TMPO: variants seen among roughly 807,000 people sequenced by gnomAD.
The protein encoded by TMPO is thymopoietin, also known as LEM domain containing 4.
In TMPO, 22 loss-of-function variants were observed where a neutral mutation model predicts 45.4. That is an observed-to-expected ratio of 0.48 (90% CI 0.35 to 0.69). The LOEUF (loss-of-function observed/expected upper bound fraction) is 0.69. Ranked by LOEUF, TMPO falls within the 30% of genes least tolerant of loss-of-function variation. TMPO has a pLI of 0.01. For missense variants in TMPO, 512 were observed against 548.8 expected (o/e 0.93, Z 0.67); for synonymous variants, 241 against 204.1 (o/e 1.18, Z -1.54).
In TMPO at chr12:98,516,027, C is replaced by T. The variant is rs376363219; in HGVS notation, c.160C>T (p.Pro54Ser). The T allele has an allele frequency of 6.2e-7, 1 of 1,611,326 alleles. No homozygotes were observed. The highest frequency in any genetic ancestry group is 1.3e-5 in the African/African-American group (1 of 74,934). ...HLTARNRPPL[P>S]AGTNSKGPPD... ...CACGGCTCGCAACCGGCCGCCGCTC[C>T]CCGCCGGCACCAACAGCAAGGGGCC... The change falls in exon 1 of 9, where the codon CCC becomes TCC. Residue 54 changes from proline to serine, a missense_variant. Coordinates refer to ENST00000556029, the MANE Select transcript of TMPO (RefSeq NM_001032283.3).
Position 98,545,078 on chromosome 12 carries a change from T to G in TMPO, c.990+17T>G. On this transcript the variant is annotated intron_variant, in intron 7 of 8. Coordinates refer to ENST00000556029, the MANE Select transcript of TMPO (RefSeq NM_001032283.3). ...AGAGCTGAAGTAAATGAATACAATT[T>G]AGATCGATGCTATCATTGATCTTTC... 1 of 1,522,522 alleles carries G rather than the reference T, an allele frequency of 6.6e-7. No individual in the cohort carries two copies. The highest frequency in any genetic ancestry group is 9.1e-7 in the Non-Finnish European group (1 of 1,098,022). The allele number at this position is 1,522,522 out of a possible 1,614,324, so 94.3% of individuals were successfully genotyped here.
intron 1 of TMPO, among the ~76,000 whole-genome samples, chr12:98,522,649 ATTT>A (rs1876459429): frequency 6.6e-6 from 1 of 152,192 alleles, no homozygotes; most frequent in Non-Finnish European, 1.5e-5. Context: ...TGATTTCTGA[ATTT>A]TTGTCTTTAA....
chr12:98,532,013 G>A lies in TMPO; in HGVS notation c.565+175G>A. The A allele has an allele frequency of 1.5e-5, 9 of 596,040 alleles. No individual in the cohort carries two copies. In the South Asian group the frequency reaches 2.0e-4, roughly 13 times the overall value. The allele number at this position is 596,040 out of a possible 1,614,324, so 36.9% of individuals were successfully genotyped here. Reference sequence around the variant, plus strand: ...TACTTTTTATTGAAAATTCTAAGAAGCAACATAGTACAAATTCATAATTTT... The same window carrying A: ...TACTTTTTATTGAAAATTCTAAGAAACAACATAGTACAAATTCATAATTTT... On this transcript the variant is annotated intron_variant, in intron 3 of 8. Coordinates refer to ENST00000556029, the MANE Select transcript of TMPO (RefSeq NM_001032283.3).
intron 4 of TMPO, among the ~76,000 whole-genome samples, chr12:98,543,928 A>ATATT (rs749841569): frequency 5.3e-5 from 8 of 152,350 alleles, no homozygotes; most frequent in Non-Finnish European, 7.4e-5. Context: ...AGAGCCAAAT[A>ATATT]GCACACAGTG....
At chr12:98,545,831 C>T (rs1878198106) in intron 7 of TMPO, among the ~76,000 whole-genome samples, 1 of 152,006 alleles carries the variant, frequency 6.6e-6, no homozygotes, top group Non-Finnish European at 1.5e-5. Flanking sequence ...CTCCTGGGTT[C>T]AAGCGATTCT....
At chr12:98,533,244 T>C (rs748775293) in intron 3 of TMPO, 2 of 1,613,938 alleles carry the variant, frequency 1.2e-6, no homozygotes, top group Admixed American at 3.3e-5. Context: ...TAGAAAATAT[T>C]TGCGGTAGAG....
In TMPO at chr12:98,548,617, A is replaced by G. The variant is rs1380789213; in HGVS notation, c.*759A>G. 2.0e-5 allele frequency: 3 copies of G among 152,202 alleles called. No individual in the cohort carries two copies. The highest frequency in any genetic ancestry group is 7.2e-5 in the African/African-American group (3 of 41,460). The allele number at this position is 152,202 out of a possible 1,614,324, so 9.4% of individuals were successfully genotyped here. A position where few individuals can be genotyped will look rare whatever the true frequency, so the allele number is the denominator to read the frequency against. ...TATAAGGCTATAATTGGAAATTTGT[A>G]TTTTTTATTTACAGCAAAACATTTA... On this transcript the variant is annotated 3_prime_UTR_variant, in exon 9 of 9. Coordinates refer to ENST00000556029, the MANE Select transcript of TMPO (RefSeq NM_001032283.3).
Position 98,533,878 on chromosome 12 carries a change from C to G in TMPO, c.565+2040C>G, listed in dbSNP as rs758516834. 8 of 1,613,966 alleles carry G rather than the reference C, an allele frequency of 5.0e-6. No individual in the cohort carries two copies. In the South Asian group the frequency reaches 8.8e-5, roughly 18 times the overall value. On this transcript the variant is annotated intron_variant, in intron 3 of 8. Transcript: ENST00000556029. ...AGTTCCAAAAGTAGATGATGAAATCCTAGGGTTTATTTCTGAAGCCACTCC... is the reference window on the plus strand; with the variant it reads ...AGTTCCAAAAGTAGATGATGAAATCGTAGGGTTTATTTCTGAAGCCACTCC...
rs572977980 is a variant in TMPO, at chr12:98,527,845, C to G, written c.280-41C>G. Reference sequence around the variant, plus strand: ...CAGGTTATTATCTAGTAAGTGAACACTTTAATTCATATGGAAATGATTACT... The same window carrying G: ...CAGGTTATTATCTAGTAAGTGAACAGTTTAATTCATATGGAAATGATTACT... On this transcript the variant is annotated intron_variant, in intron 1 of 8. Coordinates refer to ENST00000556029, the MANE Select transcript of TMPO (RefSeq NM_001032283.3). The G allele has an allele frequency of 3.5e-5, 57 of 1,610,570 alleles. No individual in the cohort carries two copies. The South Asian group carries it at 3.9e-4, about 11-fold the overall frequency.
At chr12:98,535,560 G>T (rs1877516710) in intron 3 of TMPO, 1 of 985,158 alleles carries the variant, frequency 1.0e-6, no homozygotes, top group African/African-American at 1.7e-5. Flanking sequence ...CCTACTGAGT[G>T]CTATGTGATT....
Position 98,527,916 on chromosome 12 carries a change from CAAG to C in TMPO, c.315_317del (p.Glu105del). 1 of 1,613,780 alleles carries C rather than the reference CAAG, an allele frequency of 6.2e-7. No individual in the cohort carries two copies. Among genetic ancestry groups the C allele is most frequent in the South Asian group, 1.1e-5 (1 of 91,074 alleles). On this transcript the variant is annotated inframe_deletion, in exon 2 of 9. Transcript: ENST00000556029. ...CACAAAAAAAACTGATAAACCCAGA[CAAG>C]AAGATAAAGATGATCTAGATGTAAC... is the stretch of plus-strand genomic sequence containing the variant.
intron 1 of TMPO, among the ~76,000 whole-genome samples, chr12:98,527,062 G>T (rs1442249647): frequency 6.6e-6 from 1 of 151,998 alleles, no homozygotes; most frequent in Non-Finnish European, 1.5e-5. Context: ...AATTTTTAAG[G>T]ATTATCAAAA....
chr12:98,533,934 G>A, intron 3 of TMPO: 2 of 1,614,052 alleles, frequency 1.2e-6, no homozygotes, highest in Non-Finnish European at 1.7e-6. Context: ...CCTCCACTGA[G>A]TCTTGCAATC....
intron 4 of TMPO, among the ~76,000 whole-genome samples, chr12:98,540,740 C>T (rs1877868072): frequency 6.6e-6 from 1 of 152,060 alleles, no homozygotes; most frequent in Non-Finnish European, 1.5e-5. Flanking sequence ...TAGTGGCCTA[C>T]CATATTGGAC....
chr12:98,542,203 G>A (rs1357481170), intron 4 of TMPO, among the ~76,000 whole-genome samples: 2 of 152,216 alleles, frequency 1.3e-5, no homozygotes, highest in Non-Finnish European at 2.9e-5. Flanking sequence ...CTCTGCATAT[G>A]AGTTGAAGCA....
At chr12:98,527,226 A>G (rs1180073725) in intron 1 of TMPO, among the ~76,000 whole-genome samples, 1 of 150,708 alleles carries the variant, frequency 6.6e-6, no homozygotes, top group Non-Finnish European at 1.5e-5. Flanking sequence ...GGCTGTGTGC[A>G]GTGGTTTACA....
rs1022608557 is a variant in TMPO at position 98,544,437 on chromosome 12, A to G, written c.784-5A>G. On this transcript the variant is annotated splice_region_variant and splice_polypyrimidine_tract_variant and intron_variant, in intron 5 of 8. Coordinates refer to ENST00000556029, the MANE Select transcript of TMPO (RefSeq NM_001032283.3). ...ATTGTTTTTGTTTTGTTTTCAAACT[A>G]ACAGGTGGAAACTTCAGAACATTTT... 6.2e-7 allele frequency: 1 copy of G among 1,613,428 alleles called. No individual in the cohort carries two copies. The highest frequency in any genetic ancestry group is 1.3e-5 in the African/African-American group (1 of 74,906).
intron 3 of TMPO, chr12:98,534,801 G>C (rs1877469608): frequency 1.0e-6 from 1 of 1,001,260 alleles, no homozygotes; most frequent in African/African-American, 1.7e-5. Context: ...TCCATAACTT[G>C]TCCATATTTT....
chr12:98,518,945 G>C (rs980014031), intron 1 of TMPO, among the ~76,000 whole-genome samples: 1 of 151,642 alleles, frequency 6.6e-6, no homozygotes, highest in South Asian at 2.1e-4. Flanking sequence ...GCGGTGGCGC[G>C]ATCTTGGCTC....
Sources: allele counts gnomAD v4.1 joint callset (sites outside exome capture counted in the v4.1 genomes callset), GRCh38; gene constraint gnomAD v4.1.1; transcripts MANE v1.5; gene names NCBI Gene and HGNC (gene_info 2026-07-23, HGNC 2026-07-21).